IL17RE: variants seen among roughly 807,000 people sequenced by gnomAD.
IL17RE encodes interleukin 17 receptor E, also known as interleukin-17 receptor E.
A neutral mutation model predicts 70.7 loss-of-function variants in IL17RE; 47 were observed. The ratio of observed to expected loss-of-function variants is 0.67; its 90% CI spans 0.53 to 0.85. The LOEUF (loss-of-function observed/expected upper bound fraction) is 0.85, where lower values mean the gene tolerates loss of function less well. Ranked by LOEUF, IL17RE falls within the 40% of genes least tolerant of loss-of-function variation. The pLI is 0.00. For missense variants in IL17RE, 850 were observed against 893.9 expected, an observed-to-expected ratio of 0.95 and a Z score of 0.63; for synonymous variants, 372 against 381.2, an observed-to-expected ratio of 0.98 and a Z score of 0.28.
chr3:9,906,557 G>A (rs279580), intron 4 of IL17RE, 96 bp downstream of exon 4: 654,410 of 1,333,452 alleles, frequency 0.49, 166,899 homozygotes, highest in Non-Finnish European at 0.52. Context: ...GACAGAAAGT[G>A]TGGAGATGAA....
chr3:9,914,314 A>G (rs1289922772), intron 13 of IL17RE: 2 of 1,135,486 alleles, frequency 1.8e-6, no homozygotes, highest in Non-Finnish European at 2.4e-6. Context: ...CCAGGTCCTC[A>G]CAGCAGCCCT....
At chr3:9,913,927 G>A in intron 12 of IL17RE, 29 bp from the exon 13 acceptor site, 2 of 1,594,050 alleles carry the variant, frequency 1.3e-6, no homozygotes, top group South Asian at 2.2e-5. Context: ...CCTCCCTGGG[G>A]ACAGCCTTTC....
intron 12 of IL17RE, among the ~76,000 whole-genome samples, chr3:9,913,506 T>A (rs1559276048): frequency 1.3e-5 from 2 of 152,154 alleles, no homozygotes; most frequent in African/African-American, 2.4e-5. Flanking sequence ...CCTACCTCCA[T>A]GCAAGGACCA....
chr3:9,902,725 C>A, upstream of IL17RE: 1 of 1,534,660 alleles, frequency 6.5e-7, no homozygotes, highest in Non-Finnish European at 8.7e-7. Context: ...GGGGCACAAG[C>A]TTTCCTCAGT....
chr3:9,915,522 C>T lies in IL17RE; in HGVS notation c.1719C>T (p.Arg573=). The T allele has an allele frequency of 1.5e-6, 2 of 1,322,058 alleles. No individual in the cohort carries two copies. Among genetic ancestry groups the T allele is most frequent in the Non-Finnish European group, 1.9e-6 (2 of 1,044,378 alleles). 81.9% of individuals were successfully genotyped at this position (1,322,058 alleles called of 1,614,324 possible). A position where few individuals can be genotyped will look rare whatever the true frequency, so the allele number is the denominator to read the frequency against. ...GCCCGGTCAGCGGCCCCGACCCCCG[C>T]GCCGCGCCCCTGCTCGCCCTGCTCC... ...DLRPVSGPDP[R]AAPLLALLHA... is the part of the protein sequence containing the mutation. The change falls in exon 16 of 16, where the codon CGC becomes CGT. Residue 573 remains arginine, a synonymous_variant. Coordinates refer to ENST00000383814, the MANE Select transcript of IL17RE (RefSeq NM_153480.2). This position sits in a 1 kb window ranked among gnomAD's most constrained non-coding sequence, Gnocchi z 4.9.
chr3:9,911,437 A>G lies in IL17RE; in HGVS notation c.1073-6A>G. The G allele has an allele frequency of 6.2e-7, 1 of 1,613,894 alleles. No individual in the cohort carries two copies. Among genetic ancestry groups the G allele is most frequent in the Non-Finnish European group, 8.5e-7 (1 of 1,179,886 alleles). On this transcript the variant is annotated splice_polypyrimidine_tract_variant and splice_region_variant and intron_variant, in intron 11 of 15. Transcript: ENST00000383814. ...CCTATCAACACCCCCACCCCGCCCC[A>G]AACAGGGTCTCTCACATCCTGGAAT... is the stretch of plus-strand genomic sequence containing the variant.
intron 12 of IL17RE, 123 bp from the exon 13 acceptor site, chr3:9,913,833 C>T: frequency 1.3e-6 from 1 of 751,168 alleles, no homozygotes; most frequent in Non-Finnish European, 2.3e-6. Flanking sequence ...AGAGGTGGCA[C>T]TTGGCCTAAG....
In IL17RE at chr3:9,916,010, C is replaced by G. The variant is rs2083056191; in HGVS notation, c.*203C>G. ...TCTTCCTCCTCATACTTTCCCTTGA[C>G]TGAGAGCTCCTCTAACCCCTGTTCT... On this transcript the variant is annotated 3_prime_UTR_variant, in exon 16 of 16. Coordinates refer to ENST00000383814, the MANE Select transcript of IL17RE (RefSeq NM_153480.2). 1.1e-6 allele frequency: 1 copy of G among 896,554 alleles called. No individual in the cohort carries two copies. Among genetic ancestry groups the G allele is most frequent in the East Asian group, 3.4e-5 (1 of 29,790 alleles). The allele number at this position is 896,554 out of a possible 1,614,324, so 55.5% of individuals were successfully genotyped here.
At chr3:9,909,346 C>A in intron 8 of IL17RE, 63 bp downstream of exon 8, 2 of 1,246,034 alleles carry the variant, frequency 1.6e-6, no homozygotes, top group Non-Finnish European at 2.3e-6. Context: ...GTCTCCTACA[C>A]ACACATGTAC....
chr3:9,904,092 G>A lies in IL17RE; in HGVS notation c.209G>A (p.Cys70Tyr), dbSNP rs758588778. The A allele has an allele frequency of 6.2e-7, 1 of 1,614,208 alleles. No individual in the cohort carries two copies. Among genetic ancestry groups the A allele is most frequent in the South Asian group, 1.1e-5 (1 of 91,090 alleles). The change falls in exon 3 of 16, where the codon TGT becomes TAT. Residue 70 changes from cysteine (C) to tyrosine (Y), a missense_variant. Transcript: ENST00000383814. ...GCCCTCTTCTCCACAAAGCCTTGGT[G>A]TGTGCGAGTCTGGCACTGTTCCCGC... ...WWALFSTKPW[C>Y]VRVWHCSRCL... is the part of the protein sequence containing the mutation.
chr3:9,913,916 A>T (rs745689430), intron 12 of IL17RE, 40 bp from the exon 13 acceptor site: 4 of 1,548,242 alleles, frequency 2.6e-6, no homozygotes, highest in Non-Finnish European at 3.6e-6. Flanking sequence ...GGCCAGATTC[A>T]CCTCCCTGGG....
intron 6 of IL17RE, 78 bp from the exon 7 acceptor site, chr3:9,908,161 A>T (rs1343317120): frequency 8.3e-7 from 1 of 1,204,884 alleles, no homozygotes; most frequent in Non-Finnish European, 1.2e-6. Flanking sequence ...CCAAGATCCC[A>T]GCACTGTTCT....
intron 8 of IL17RE, among the ~76,000 whole-genome samples, 169 bp from the exon 9 acceptor site, chr3:9,910,696 G>C (rs2082869857): frequency 2.0e-5 from 3 of 152,112 alleles, no homozygotes; most frequent in Admixed American, 2.0e-4. Flanking sequence ...AAAAAGAAAA[G>C]GAAAAGAAAG....
chr3:9,908,807 T>C (rs2125081619), intron 7 of IL17RE, among the ~76,000 whole-genome samples: 1 of 152,288 alleles, frequency 6.6e-6, no homozygotes, highest in Middle Eastern at 3.4e-3. Context: ...GGGAGGATGA[T>C]GGCAGAGACC....
chr3:9,914,878 T>C (rs2082978035), intron 15 of IL17RE, 101 bp downstream of exon 15: 1 of 1,000,254 alleles, frequency 1.0e-6, no homozygotes, highest in African/African-American at 1.6e-5. Flanking sequence ...CTGCACCCAA[T>C]CTCTGTTACC....
At chr3:9,909,496 G>A (rs912252887) in intron 8 of IL17RE, 5 of 601,984 alleles carry the variant, frequency 8.3e-6, no homozygotes, top group South Asian at 3.9e-5. Flanking sequence ...ATCAGAGATC[G>A]CTGAGCACCG....
At chr3:9,914,502 G>C (rs2082965670) in intron 13 of IL17RE, 46 bp from the exon 14 acceptor site, 1 of 1,610,586 alleles carries the variant, frequency 6.2e-7, no homozygotes, top group Admixed American at 1.7e-5. Flanking sequence ...CTCCCCGGGA[G>C]GAGAAGATGC....
rs186257890 is a variant in IL17RE at position 9,904,221 on chromosome 3, A to C, written c.268+70A>C. On this transcript the variant is annotated intron_variant, in intron 3 of 15. Transcript: ENST00000383814. ...TTTGAGGGACCACCTAGGCTGAGCA[A>C]GTGGGACTTACTAGAACAGATATTT... is the stretch of plus-strand genomic sequence containing the variant. 4 of 1,563,904 alleles carry C rather than the reference A, an allele frequency of 2.6e-6. No homozygotes were observed. In the East Asian group the frequency reaches 9.1e-5, roughly 35 times the overall value.
chr3:9,914,093 G>A (rs1378002600), intron 13 of IL17RE, 69 bp downstream of exon 13: 1 of 1,254,240 alleles, frequency 8.0e-7, no homozygotes, highest in South Asian at 1.2e-5. Flanking sequence ...ACCCACCCCT[G>A]GAAAATCCAT....
Sources: allele counts gnomAD v4.1 joint callset (sites outside exome capture counted in the v4.1 genomes callset), GRCh38; gene constraint gnomAD v4.1.1; non-coding constraint Gnocchi (gnomAD v3.1); transcripts MANE v1.5; gene names NCBI Gene and HGNC (gene_info 2026-07-23, HGNC 2026-07-21).